The following LIPI variants were observed in gnomAD, a reference collection of about 807,000 sequenced individuals.
The protein encoded by LIPI is lipase member I.
A neutral mutation model predicts 50.6 loss-of-function variants in LIPI; 59 were observed. The observed-to-expected ratio is 1.16, with a 90% CI of 0.94 to 1.45. The LOEUF is 1.45. Ranked by LOEUF, LIPI falls within the 40% of genes most tolerant of loss-of-function variation. The pLI, the probability that LIPI is intolerant of heterozygous loss-of-function variation, is 0.00. For synonymous variants in LIPI, 203 were observed against 178.2 expected (o/e 1.14, Z -1.11); for missense variants, 586 against 536.3 (o/e 1.09, Z -0.92).
intron 9 of LIPI, among the ~76,000 whole-genome samples, chr21:14,126,596 T>TA (rs2017075911): frequency 6.6e-6 from 1 of 152,194 alleles, no homozygotes; most frequent in Non-Finnish European, 1.5e-5. Flanking sequence ...ATCCCCTAAA[T>TA]AATTTAGTAT....
At chr21:14,112,348 A>T (rs1335141916) in intron 9 of LIPI, among the ~76,000 whole-genome samples, 1 of 151,982 alleles carries the variant, frequency 6.6e-6, no homozygotes, top group Non-Finnish European at 1.5e-5. Context: ...ACAAATTTTA[A>T]GGTTTTTTTT....
At chr21:14,207,051 G>A in intron 1 of LIPI, 1 of 694,548 alleles carries the variant, frequency 1.4e-6, no homozygotes. Flanking sequence ...GAAGACAGTG[G>A]CTTCTATGGC....
Position 14,144,714 on chromosome 21 carries a change from A to C in LIPI, c.1204T>G (p.Leu402Val). 6.4e-7 allele frequency: 1 copy of C among 1,572,140 alleles called. No homozygotes were observed. Among genetic ancestry groups the C allele is most frequent in the Admixed American group, 1.7e-5 (1 of 59,874 alleles). Reference sequence around the variant, plus strand: ...AGATTTGAGCTCTGGAAATATGTCAAACCAATGCTTGAAATATTTACAAAG... The same window carrying C: ...AGATTTGAGCTCTGGAAATATGTCACACCAATGCTTGAAATATTTACAAAG... ...NDFVNISSIGLTYFQSSNLQC... is the reference protein window; with the variant it reads ...NDFVNISSIGVTYFQSSNLQC... Residue 402 changes from leucine to valine, a missense_variant, in exon 9 of 10, where the codon TTG becomes GTG. Physicochemically the swap from Leu to Val is conservative, Grantham distance 32. Coordinates refer to ENST00000681601, the MANE Select transcript of LIPI (RefSeq NM_001302998.2).
intron 7 of LIPI, among the ~76,000 whole-genome samples, chr21:14,157,163 T>C (rs1600872434): frequency 6.6e-6 from 1 of 151,914 alleles, no homozygotes; most frequent in African/African-American, 2.4e-5. Context: ...AGACAGAAAT[T>C]GAGATGAAAC....
chr21:14,166,388 G>T lies in LIPI; in HGVS notation c.707C>A (p.Pro236His). ...TGAGAAAATTGATTTAGGACAGCCA[G>T]GTTGTTTATTTCCTCCATTTGGATA... The part of the protein sequence containing the change: ...DFYPNGGNKQ[P>H]GCPKSIFSGI... The change falls in exon 5 of 10, where the codon CCT becomes CAT. Residue 236 changes from proline (P) to histidine (H), a missense_variant. Pro to His is a moderately conservative substitution (Grantham distance 77). Coordinates refer to ENST00000681601, the MANE Select transcript of LIPI (RefSeq NM_001302998.2). 6.2e-7 allele frequency: 1 copy of T among 1,605,242 alleles called. No individual in the cohort carries two copies. Among genetic ancestry groups the T allele is most frequent in the Non-Finnish European group, 8.5e-7 (1 of 1,172,112 alleles).
At chr21:14,164,502 C>T (rs779907861) in intron 6 of LIPI, among the ~76,000 whole-genome samples, 1 of 152,140 alleles carries the variant, frequency 6.6e-6, no homozygotes, top group Non-Finnish European at 1.5e-5. Context: ...CCTTTGTAAT[C>T]ACTACCTATT....
chr21:14,162,908 T>A (rs1039126399), intron 7 of LIPI, among the ~76,000 whole-genome samples: 9 of 151,814 alleles, frequency 5.9e-5, no homozygotes, highest in African/African-American at 2.2e-4. Flanking sequence ...ACAGAATAAT[T>A]TTGCTTTCTT....
intron 5 of LIPI, 58 bp downstream of exon 5, chr21:14,166,301 AGTT>A: frequency 1.0e-6 from 1 of 963,574 alleles, no homozygotes; most frequent in African/African-American, 1.6e-5. Context: ...GGGAAAAGTA[AGTT>A]ATTTTCTTTC....
chr21:14,129,781 C>A (rs1600841478), intron 9 of LIPI, among the ~76,000 whole-genome samples: 1 of 143,830 alleles, frequency 7.0e-6, no homozygotes, highest in Non-Finnish European at 1.5e-5. Context: ...TCTATTTGTT[C>A]AATAATGACT....
At chr21:14,138,364 T>C (rs1057179568) in intron 9 of LIPI, among the ~76,000 whole-genome samples, 1 of 152,174 alleles carries the variant, frequency 6.6e-6, no homozygotes, top group African/African-American at 2.4e-5. Context: ...TTTTGGCTGT[T>C]CTTCAGTGAA....
intron 1 of LIPI, among the ~76,000 whole-genome samples, chr21:14,200,648 G>C (rs1317832667): frequency 6.6e-6 from 1 of 151,926 alleles, no homozygotes; most frequent in African/African-American, 2.4e-5. Context: ...CATGCTCATG[G>C]ATAGAAAGAA....
chr21:14,195,684 C>T (rs987908596), intron 1 of LIPI, among the ~76,000 whole-genome samples: 3 of 152,050 alleles, frequency 2.0e-5, no homozygotes, highest in African/African-American at 7.2e-5. Context: ...TCTAAAAGGA[C>T]ACTGTTAAGA....
chr21:14,197,247 T>C (rs2019894463), intron 1 of LIPI, among the ~76,000 whole-genome samples: 1 of 151,980 alleles, frequency 6.6e-6, no homozygotes, highest in Admixed American at 6.6e-5. Context: ...ATCATACTAA[T>C]GATAAAACAC....
chr21:14,168,786 G>A (rs543900872), intron 4 of LIPI, among the ~76,000 whole-genome samples: 2 of 152,244 alleles, frequency 1.3e-5, no homozygotes, highest in South Asian at 4.1e-4. Context: ...GACCACTGAG[G>A]CTAGGAAGAA....
intron 6 of LIPI, among the ~76,000 whole-genome samples, chr21:14,164,282 C>T (rs973651425): frequency 1.3e-5 from 2 of 151,990 alleles, no homozygotes; most frequent in African/African-American, 2.4e-5. Flanking sequence ...TATATTCACT[C>T]TGGGTTACAA....
intron 9 of LIPI, among the ~76,000 whole-genome samples, chr21:14,129,416 G>T (rs1299861659): frequency 6.6e-6 from 1 of 151,642 alleles, no homozygotes; most frequent in Non-Finnish European, 1.5e-5. Context: ...GAATACCTAG[G>T]TAATAACTAT....
chr21:14,148,278 TA>T (rs1176750761), intron 8 of LIPI, among the ~76,000 whole-genome samples: 2 of 152,164 alleles, frequency 1.3e-5, no homozygotes, highest in African/African-American at 4.8e-5. Context: ...CCCTATTTTC[TA>T]TTATATAATA....
In LIPI at chr21:14,189,329, A is replaced by AT; in HGVS notation, c.136dup (p.Met46AsnfsTer12). ...GTTTAGGTTGTTCCTTGTATACATC[A>AT]TCAGAATGGTCTCTATTCTCGGAAT... On this transcript the variant is annotated frameshift_variant, in exon 2 of 10. Coordinates refer to ENST00000681601, the MANE Select transcript of LIPI (RefSeq NM_001302998.2). LOFTEE classifies it high-confidence loss of function. 6.2e-7 allele frequency: 1 copy of AT among 1,613,006 alleles called. No homozygotes were observed. The highest frequency in any genetic ancestry group is 1.7e-4 in the Middle Eastern group (1 of 6,058).
At chr21:14,146,332 T>C (rs2017902939) in intron 8 of LIPI, among the ~76,000 whole-genome samples, 1 of 151,264 alleles carries the variant, frequency 6.6e-6, no homozygotes, top group Admixed American at 6.6e-5. Context: ...TGTCTCAGAG[T>C]ATTAAATGGC....
Sources: gnomAD v4.1 joint callset for allele counts (sites outside exome capture counted in the v4.1 genomes callset) on GRCh38, gnomAD v4.1.1 for gene constraint, MANE v1.5 for transcripts, NCBI Gene and HGNC (gene_info 2026-07-23, HGNC 2026-07-21) for gene names.